SEPTIN10: variants seen among roughly 807,000 people sequenced by gnomAD.
The protein encoded by SEPTIN10 is septin 10.
In SEPTIN10, 66 loss-of-function variants were observed where a neutral mutation model predicts 54.8. That is an observed-to-expected ratio of 1.21 (90% confidence interval 0.99 to 1.48). The LOEUF (loss-of-function observed/expected upper bound fraction) is 1.48. Ranked by LOEUF, SEPTIN10 falls within the 40% of genes most tolerant of loss-of-function variation. The pLI is 0.00. For missense variants in SEPTIN10, 620 were observed against 545.6 expected (o/e 1.14, Z -1.36); for synonymous variants, 161 against 181.0 (o/e 0.89, Z 0.89).
At chr2:109,605,203 T>G (rs1390057594) in intron 1 of SEPTIN10, among the ~76,000 whole-genome samples, 1 of 152,236 alleles carries the variant, frequency 6.6e-6, no homozygotes, top group Non-Finnish European at 1.5e-5. Context: ...GCTTAGTTTT[T>G]GGGCTGAATA....
At chr2:109,553,286 T>A in intron 8 of SEPTIN10, 67 bp from the exon 9 acceptor site, 1 of 1,552,044 alleles carries the variant, frequency 6.4e-7, no homozygotes, top group Non-Finnish European at 8.8e-7. Flanking sequence ...GGCTCACGCC[T>A]GTAATCCCAA....
chr2:109,613,109 T>C (rs1699624760), intron 1 of SEPTIN10: 1 of 1,131,824 alleles, frequency 8.8e-7, no homozygotes, highest in Non-Finnish European at 1.2e-6. Flanking sequence ...GATCACTCCA[T>C]ACCATGTAGC....
intron 10 of SEPTIN10, 90 bp from the exon 11 acceptor site, chr2:109,544,414 T>A (rs1680653804): frequency 6.7e-7 from 1 of 1,483,046 alleles, no homozygotes; most frequent in Non-Finnish European, 8.9e-7. Context: ...TTATAGGATA[T>A]CTGGCCATGG....
At chr2:109,573,929 T>C (rs975549976) in intron 5 of SEPTIN10, among the ~76,000 whole-genome samples, 1 of 152,192 alleles carries the variant, frequency 6.6e-6, no homozygotes, top group Admixed American at 6.5e-5. Flanking sequence ...CCTTAATCCT[T>C]GTTAATGAAG....
chr2:109,613,278 G>C, intron 1 of SEPTIN10: 1 of 845,632 alleles, frequency 1.2e-6, no homozygotes. Context: ...GAGTACAAAA[G>C]AGTCAAGGCG....
At chr2:109,613,142 G>C (rs1435529814) in intron 1 of SEPTIN10, 30 of 1,285,112 alleles carry the variant, frequency 2.3e-5, no homozygotes, top group Non-Finnish European at 3.0e-5. Flanking sequence ...CGATGTACAC[G>C]ACCTTGGTAC....
chr2:109,560,069 C>T (rs572106638), intron 8 of SEPTIN10, among the ~76,000 whole-genome samples: 21 of 152,010 alleles, frequency 1.4e-4, no homozygotes, highest in South Asian at 4.2e-4. Context: ...TACAGGTGCC[C>T]GCCACCACGC....
At chr2:109,593,770 G>A (rs889763753) in intron 1 of SEPTIN10, among the ~76,000 whole-genome samples, 2 of 152,088 alleles carry the variant, frequency 1.3e-5, no homozygotes, top group Non-Finnish European at 2.9e-5. Flanking sequence ...CCACTGCAGC[G>A]TGTCAGAGGA....
chr2:109,575,315 T>A (rs1325096797), intron 4 of SEPTIN10, among the ~76,000 whole-genome samples: 1 of 152,232 alleles, frequency 6.6e-6, no homozygotes, highest in Non-Finnish European at 1.5e-5. Flanking sequence ...AAAAGACATT[T>A]AAGTCAAAGT....
At chr2:109,599,301 T>C (rs1185479581) in intron 1 of SEPTIN10, among the ~76,000 whole-genome samples, 1 of 151,776 alleles carries the variant, frequency 6.6e-6, no homozygotes, top group Non-Finnish European at 1.5e-5. Context: ...CTACTAAAAA[T>C]ACAAAAATTA....
chr2:109,607,264 C>G (rs1191486684), intron 1 of SEPTIN10, among the ~76,000 whole-genome samples: 1 of 152,158 alleles, frequency 6.6e-6, no homozygotes, highest in Non-Finnish European at 1.5e-5. Flanking sequence ...ATATTACAAA[C>G]AGCTAAGGTC....
At chr2:109,582,349 A>G (rs1264498742) in intron 4 of SEPTIN10, among the ~76,000 whole-genome samples, 2 of 151,950 alleles carry the variant, frequency 1.3e-5, no homozygotes, top group Non-Finnish European at 2.9e-5. Flanking sequence ...AGAAGGTATC[A>G]CTCTGTCCAC....
At chr2:109,572,287 C>T (rs559145559) in intron 5 of SEPTIN10, among the ~76,000 whole-genome samples, 4 of 152,198 alleles carry the variant, frequency 2.6e-5, no homozygotes, top group African/African-American at 9.6e-5. Context: ...CATGCCACGA[C>T]GCCCGGCTGA....
intron 5 of SEPTIN10, among the ~76,000 whole-genome samples, chr2:109,571,966 A>G (rs188405083): frequency 6.6e-6 from 1 of 152,220 alleles, no homozygotes; most frequent in Admixed American, 6.5e-5. Flanking sequence ...CAATATGTAA[A>G]TATCATCAAT....
At chr2:109,580,758 C>T (rs537701042) in intron 4 of SEPTIN10, among the ~76,000 whole-genome samples, 1 of 152,312 alleles carries the variant, frequency 6.6e-6, no homozygotes, top group Non-Finnish European at 1.5e-5. Context: ...GGGAAACAGG[C>T]AGTATAAAAC....
intron 5 of SEPTIN10, among the ~76,000 whole-genome samples, chr2:109,569,282 T>G (rs1455178143): frequency 1.3e-5 from 2 of 151,662 alleles, no homozygotes; most frequent in African/African-American, 4.8e-5. Flanking sequence ...TACAAAATAA[T>G]TAGGTGGGCA....
intron 1 of SEPTIN10, chr2:109,613,276 A>G (rs1177142196): frequency 1.4e-5 from 12 of 880,372 alleles, no homozygotes; most frequent in Non-Finnish European, 1.8e-5. Context: ...TAGAGTACAA[A>G]AGAGTCAAGG....
At position 109,585,214 on chromosome 2, in the gene SEPTIN10, T is replaced by C. The variant is rs755274060; in HGVS notation, c.325A>G (p.Thr109Ala). The change falls in exon 4 of 11, where the codon ACA (threonine) becomes GCA (alanine). Residue 109 changes from threonine to alanine, a missense_variant. Transcript: ENST00000397712. ...FCPNVKLKAQ[T>A]YELQESNVQL... ...ACATTACTTTCCTGGAGTTCATATG[T>C]CTGAGCTTTAAGTTTAACATTTGGG... 1.8e-5 allele frequency: 29 copies of C among 1,613,066 alleles called. No homozygotes were observed. In the East Asian group the frequency reaches 5.1e-4, roughly 29 times the overall value.
At chr2:109,605,779 T>A (rs890314140) in intron 1 of SEPTIN10, 2 of 152,216 alleles carry the variant, frequency 1.3e-5, no homozygotes, top group Non-Finnish European at 2.9e-5. Flanking sequence ...TTCTTTTCTA[T>A]ACAACAGAAT....
Sources: gnomAD v4.1 joint callset for allele counts (sites outside exome capture counted in the v4.1 genomes callset) on GRCh38, gnomAD v4.1.1 for gene constraint, MANE v1.5 for transcripts, NCBI Gene and HGNC (gene_info 2026-07-23, HGNC 2026-07-21) for gene names.